Variants in ATG7 observed in about 807,000 individuals in gnomAD.
The protein encoded by ATG7 is ubiquitin-like modifier-activating enzyme ATG7.
Under a neutral mutation model 82.4 loss-of-function variants are expected in ATG7, and 70 were observed. The observed-to-expected ratio is 0.85, with a 90% CI of 0.70 to 1.04. ATG7 has a LOEUF of 1.04. Ranked by LOEUF, ATG7 falls within the 50% of genes least tolerant of loss-of-function variation. The probability of loss-of-function intolerance (pLI) is 0.00; values close to 1 mark genes in which losing one functional copy is unlikely to be tolerated. For synonymous variants in ATG7, 287 were observed against 313.0 expected (o/e 0.92, Z 0.88); for missense variants, 792 against 864.3 (o/e 0.92, Z 1.05).
At chr3:11,318,908 T>C (rs1016424961) in intron 9 of ATG7, among the ~76,000 whole-genome samples, 1 of 152,226 alleles carries the variant, frequency 6.6e-6, no homozygotes, top group Non-Finnish European at 1.5e-5. Context: ...ATTTCATTTC[T>C]CTCTTCTGTG....
intron 20 of ATG7, among the ~76,000 whole-genome samples, chr3:11,475,177 G>C (rs916476628): frequency 1.3e-5 from 2 of 152,058 alleles, no homozygotes; most frequent in African/African-American, 4.8e-5. Flanking sequence ...AGGGAATTTG[G>C]ATTTGCTCCT....
intron 20 of ATG7, among the ~76,000 whole-genome samples, chr3:11,465,978 T>C (rs1258942616): frequency 1.3e-5 from 2 of 152,210 alleles, no homozygotes; most frequent in Non-Finnish European, 2.9e-5. Context: ...ATTCTTTTCA[T>C]TTGTGTCTTT....
At chr3:11,415,556 TTTTTA>T (rs1466913074) in intron 19 of ATG7, among the ~76,000 whole-genome samples, 3 of 152,152 alleles carry the variant, frequency 2.0e-5, no homozygotes, top group African/African-American at 7.2e-5. Flanking sequence ...CCTTTAAAAA[TTTTTA>T]TTTTATTATT....
intron 11 of ATG7, among the ~76,000 whole-genome samples, chr3:11,338,712 G>A (rs533285113): frequency 3.3e-5 from 5 of 152,272 alleles, no homozygotes; most frequent in African/African-American, 1.2e-4. Context: ...CCACATCAGA[G>A]TGCCCGATTT....
At chr3:11,489,476 T>C (rs2090129408) in intron 20 of ATG7, among the ~76,000 whole-genome samples, 1 of 80,516 alleles carries the variant, frequency 1.2e-5, no homozygotes, top group Admixed American at 1.4e-4. Context: ...GTGTCTCTAT[T>C]TCCTTCAGTT....
chr3:11,442,177 A>G (rs2084041929), intron 20 of ATG7, among the ~76,000 whole-genome samples: 1 of 152,208 alleles, frequency 6.6e-6, no homozygotes, highest in Non-Finnish European at 1.5e-5. Context: ...AGGCTGAAGT[A>G]ATAGTAAGCC....
intron 20 of ATG7, among the ~76,000 whole-genome samples, chr3:11,454,606 C>T (rs538250958): frequency 6.6e-6 from 1 of 152,276 alleles, no homozygotes; most frequent in South Asian, 2.1e-4. Context: ...TTATCCCGGT[C>T]TTTCTGGGCA....
At chr3:11,568,469 C>G in the ATG7 span, 1 of 1,252,440 alleles carries the variant, frequency 8.0e-7, no homozygotes, top group Non-Finnish European at 1.1e-6. This position sits in a 1 kb window ranked among gnomAD's most constrained non-coding sequence, Gnocchi z 5.9. Context: ...AGGGGACTTC[C>G]AGGCCCACTA....
intron 19 of ATG7, among the ~76,000 whole-genome samples, chr3:11,395,667 G>C (rs1440515460): frequency 1.3e-5 from 2 of 152,194 alleles, no homozygotes; most frequent in African/African-American, 4.8e-5. Context: ...AGGGCTGGGT[G>C]CAGTGGCTCA....
At chr3:11,500,591 G>A (rs927995611) in intron 20 of ATG7, among the ~76,000 whole-genome samples, 2 of 152,178 alleles carry the variant, frequency 1.3e-5, no homozygotes, top group Non-Finnish European at 2.9e-5. Flanking sequence ...AGTTCTACAC[G>A]TAAAATTTTT....
chr3:11,505,758 T>C (rs1324344547), intron 20 of ATG7, among the ~76,000 whole-genome samples: 1 of 152,246 alleles, frequency 6.6e-6, no homozygotes, highest in African/African-American at 2.4e-5. Context: ...TTGTGTGTCC[T>C]GGAGGCAGAT....
At chr3:11,508,036 G>A (rs929272260) in intron 20 of ATG7, among the ~76,000 whole-genome samples, 1 of 152,060 alleles carries the variant, frequency 6.6e-6, no homozygotes, top group Non-Finnish European at 1.5e-5. Context: ...TGGCTAGTAG[G>A]ATAAACAACA....
At chr3:11,291,342 T>G (rs1294346485) in intron 3 of ATG7, among the ~76,000 whole-genome samples, 1 of 152,198 alleles carries the variant, frequency 6.6e-6, no homozygotes, top group Non-Finnish European at 1.5e-5. Context: ...GAATAATTGG[T>G]TATTTTTTAG....
At chr3:11,441,428 G>C (rs1273571636) in intron 20 of ATG7, among the ~76,000 whole-genome samples, 2 of 151,872 alleles carry the variant, frequency 1.3e-5, no homozygotes, top group African/African-American at 2.4e-5. Flanking sequence ...ATTTTTAGTA[G>C]AGACAAGGTT....
chr3:11,509,872 C>T lies in ATG7; in HGVS notation c.2080-44939C>T, dbSNP rs1003449123. 9.2e-5 allele frequency among the ~76,000 whole-genome samples: 14 copies of T among 152,136 alleles called. No homozygotes were observed. The South Asian group carries it at 2.9e-3, about 32-fold the overall frequency. On this transcript the variant is annotated intron_variant, in intron 20 of 20. Coordinates refer to ENST00000693202, the MANE Select transcript of ATG7 (RefSeq NM_001349232.2). ...CCCATAAATCAGGCAGCCAGCGCTC[C>T]ATACTTATTTACTGGGTCTTGTGAT...
In ATG7 at chr3:11,557,543, GC is replaced by G. The variant is rs1385809890; in HGVS notation, c.*2701del. 1 of 152,560 alleles carries G rather than the reference GC, an allele frequency of 6.6e-6. No homozygotes were observed. The highest frequency in any genetic ancestry group is 2.4e-5 in the African/African-American group (1 of 41,464). The allele number at this position is 152,560 out of a possible 1,614,324, so 9.5% of individuals were successfully genotyped here. A position where few individuals can be genotyped will look rare whatever the true frequency, so the allele number is the denominator to read the frequency against. ...TGCTCATCGCGAGGGCCTGCCAGGA[GC>G]TGGCCTCCCGCACTACTTGTGAGTA... On this transcript the variant is annotated 3_prime_UTR_variant, in exon 21 of 21. Transcript: ENST00000693202.
intron 20 of ATG7, among the ~76,000 whole-genome samples, chr3:11,451,874 CACACACACACAG>C (rs1320400325): frequency 1.4e-5 from 2 of 141,080 alleles, no homozygotes; most frequent in African/African-American, 5.3e-5. Context: ...TTTACATACA[CACACACACACAG>C]ACACACACAC....
intron 20 of ATG7, among the ~76,000 whole-genome samples, chr3:11,473,651 G>A (rs1464941015): frequency 6.6e-6 from 1 of 152,200 alleles, no homozygotes; most frequent in Non-Finnish European, 1.5e-5. Context: ...GTGAATTTAA[G>A]ATAGAGTCAC....
intron 20 of ATG7, among the ~76,000 whole-genome samples, chr3:11,473,497 C>G (rs539978879): frequency 1.3e-5 from 2 of 152,146 alleles, no homozygotes; most frequent in Non-Finnish European, 2.9e-5. Flanking sequence ...GATGGAAAAA[C>G]TCGGGATTCA....
Sources: allele counts gnomAD v4.1 joint callset (sites outside exome capture counted in the v4.1 genomes callset), GRCh38; gene constraint gnomAD v4.1.1; non-coding constraint Gnocchi (gnomAD v3.1); transcripts MANE v1.5; gene names NCBI Gene and HGNC (gene_info 2026-07-23, HGNC 2026-07-21).